UBE2G2: variants seen among roughly 807,000 people sequenced by gnomAD.
UBE2G2 encodes the protein ubiquitin-conjugating enzyme E2 G2.
UBE2G2 carries 10 observed loss-of-function variants against 23.0 expected under a neutral mutation model. The ratio of observed to expected loss-of-function variants is 0.43; its 90% CI spans 0.27 to 0.74. UBE2G2 has a LOEUF of 0.74. UBE2G2 is among the 30% of genes least tolerant of loss of function. The pLI, the probability that UBE2G2 is intolerant of heterozygous loss-of-function variation, is 0.19. For missense variants in UBE2G2, 150 were observed against 218.3 expected (o/e 0.69, Z 1.97); for synonymous variants, 86 against 81.3 (o/e 1.06, Z -0.31).
At chr21:44,795,059 T>TA (rs145504274) in intron 1 of UBE2G2, among the ~76,000 whole-genome samples, 6,358 of 152,100 alleles carry the variant, frequency 0.042, 209 homozygotes, top group Non-Finnish European at 0.058. Context: ...GGTCAGGAGT[T>TA]AGAGACCAGC....
At chr21:44,794,988 C>T (rs1010768992) in intron 1 of UBE2G2, among the ~76,000 whole-genome samples, 3 of 152,122 alleles carry the variant, frequency 2.0e-5, no homozygotes, top group African/African-American at 7.2e-5. Context: ...TCAGTAAGGG[C>T]CGGGGGCTGT....
chr21:44,773,397 G>A (rs1277865950), intron 5 of UBE2G2, 150 bp downstream of exon 5: 3 of 1,029,854 alleles, frequency 2.9e-6, no homozygotes, highest in Admixed American at 2.9e-5. Context: ...AATTGGAAAA[G>A]TGTAGGCAGA....
intron 3 of UBE2G2, among the ~76,000 whole-genome samples, chr21:44,781,223 G>A (rs568182748): frequency 5.3e-5 from 8 of 152,300 alleles, no homozygotes; most frequent in Non-Finnish European, 8.8e-5. Flanking sequence ...AGCTGGAGAC[G>A]GGAAGGGCAA....
At position 44,772,972 on chromosome 21, in the gene UBE2G2, T is replaced by C. The variant is rs1315771209; in HGVS notation, c.385+575A>G. On this transcript the variant is annotated intron_variant, in intron 5 of 5. Coordinates refer to ENST00000345496, the MANE Select transcript of UBE2G2 (RefSeq NM_003343.6). The surrounding 1 kb of genome is among the most constrained non-coding windows in gnomAD (Gnocchi z 5.4). ...AGCCTTGGCTCCAGCCAAAATGAGC[T>C]GGCAGTGCCCCCATCAAGTCAGCCA... 6.6e-6 allele frequency among the ~76,000 whole-genome samples: 1 copy of C among 152,180 alleles called. No individual in the cohort carries two copies. The highest frequency in any genetic ancestry group is 1.5e-5 in the Non-Finnish European group (1 of 68,018).
chr21:44,785,113 A>G (rs1382046398), intron 3 of UBE2G2, among the ~76,000 whole-genome samples: 1 of 152,206 alleles, frequency 6.6e-6, no homozygotes, highest in Non-Finnish European at 1.5e-5. Flanking sequence ...CCATCTGTCT[A>G]GAAGATGCTG....
chr21:44,792,596 G>C (rs2083054485), intron 1 of UBE2G2, among the ~76,000 whole-genome samples: 1 of 152,174 alleles, frequency 6.6e-6, no homozygotes, highest in Non-Finnish European at 1.5e-5. Context: ...GCAGAACTGT[G>C]AGTCAACTAA....
chr21:44,789,983 G>A (rs2083030908), intron 1 of UBE2G2, among the ~76,000 whole-genome samples: 1 of 152,056 alleles, frequency 6.6e-6, no homozygotes, highest in East Asian at 1.9e-4. Context: ...CTCCAGAATT[G>A]GGAGCAATAA....
intron 1 of UBE2G2, among the ~76,000 whole-genome samples, chr21:44,791,347 C>A (rs1303837734): frequency 6.6e-6 from 1 of 151,998 alleles, no homozygotes; most frequent in Admixed American, 6.5e-5. Flanking sequence ...GCAGGGAGGC[C>A]TAGGAGGGAA....
chr21:44,780,842 A>T (rs1485442598), intron 3 of UBE2G2, among the ~76,000 whole-genome samples: 1 of 152,036 alleles, frequency 6.6e-6, no homozygotes, highest in South Asian at 2.1e-4. Context: ...TCCACACTCA[A>T]CTCAAGGGAG....
chr21:44,796,983 T>G (rs1388154204), intron 1 of UBE2G2, among the ~76,000 whole-genome samples: 1 of 152,258 alleles, frequency 6.6e-6, no homozygotes, highest in Non-Finnish European at 1.5e-5. Flanking sequence ...ATGTTATTAT[T>G]GGATCCTTCA....
At chr21:44,775,895 C>T (rs1451442393) in intron 4 of UBE2G2, among the ~76,000 whole-genome samples, 1 of 152,200 alleles carries the variant, frequency 6.6e-6, no homozygotes, top group African/African-American at 2.4e-5. Context: ...TCATCTAACT[C>T]AGGCGCATGG....
intron 1 of UBE2G2, among the ~76,000 whole-genome samples, chr21:44,792,868 G>A (rs1480530886): frequency 4.6e-5 from 7 of 152,226 alleles, no homozygotes; most frequent in African/African-American, 1.7e-4. Context: ...GTGGCAAGGA[G>A]GGGCCAGCAA....
At chr21:44,796,596 C>A (rs2083091433) in intron 1 of UBE2G2, among the ~76,000 whole-genome samples, 1 of 152,182 alleles carries the variant, frequency 6.6e-6, no homozygotes, top group Non-Finnish European at 1.5e-5. Context: ...AAAACAAAGT[C>A]CCCTCAATAA....
In UBE2G2 at chr21:44,773,671, T is replaced by G; in HGVS notation, c.261A>C (p.Arg87Ser). The part of the protein sequence containing the change: ...MFHPNIYPDG[R>S]VCISILHAPG... ...GCGCGTGGAGGATGGAAATGCAGAC[T>G]CTCCCATCAGGGTAGACTGCAAGGG... Residue 87 changes from arginine to serine, a missense_variant, in exon 5 of 6, where the codon AGA (arginine) becomes AGC (serine). Physicochemically the swap from Arg to Ser is moderately radical, Grantham distance 110. Coordinates refer to ENST00000345496, the MANE Select transcript of UBE2G2 (RefSeq NM_003343.6). The G allele has an allele frequency of 6.2e-7, 1 of 1,612,450 alleles. No individual in the cohort carries two copies. Among genetic ancestry groups the G allele is most frequent in the Non-Finnish European group, 8.5e-7 (1 of 1,180,000 alleles).
intron 3 of UBE2G2, among the ~76,000 whole-genome samples, chr21:44,783,050 A>C (rs143204427): frequency 6.6e-5 from 10 of 152,382 alleles, no homozygotes; most frequent in African/African-American, 2.4e-4. Context: ...CTTGTATCAA[A>C]ATATATTTTA....
At chr21:44,800,885 T>A (rs1419790145) in intron 1 of UBE2G2, 1 of 152,154 alleles carries the variant, frequency 6.6e-6, no homozygotes, top group African/African-American at 2.4e-5. Context: ...ACCTGCAGTA[T>A]CAAGTTTAAC....
chr21:44,801,763 T>G lies in UBE2G2; in HGVS notation c.-15A>C, dbSNP rs782646823. ...GTCCCCGCCATGGCCCCGCAACAGCTGCGCCGAGCGACCTCGCCTCAGCCG... is the reference window on the plus strand; with the variant it reads ...GTCCCCGCCATGGCCCCGCAACAGCGGCGCCGAGCGACCTCGCCTCAGCCG... On this transcript the variant is annotated 5_prime_UTR_variant, in exon 1 of 6. Coordinates refer to ENST00000345496, the MANE Select transcript of UBE2G2 (RefSeq NM_003343.6). The G allele has an allele frequency of 1.4e-5, 21 of 1,515,638 alleles. No individual in the cohort carries two copies. The highest frequency in any genetic ancestry group is 1.9e-5 in the Non-Finnish European group (21 of 1,134,278). The allele number at this position is 1,515,638 out of a possible 1,614,324, so 93.9% of individuals were successfully genotyped here.
At chr21:44,781,017 A>T (rs1392128369) in intron 3 of UBE2G2, among the ~76,000 whole-genome samples, 1 of 152,244 alleles carries the variant, frequency 6.6e-6, no homozygotes, top group East Asian at 1.9e-4. Context: ...CTTCAGCTGC[A>T]CGCAGGTGTT....
intron 4 of UBE2G2, chr21:44,774,636 G>A (rs907651428): frequency 1.1e-5 from 5 of 436,364 alleles, no homozygotes; most frequent in South Asian, 8.2e-5. Context: ...AGTGGTGAAC[G>A]TTCAGTGGTG....
Sources: gnomAD v4.1 joint callset for allele counts (sites outside exome capture counted in the v4.1 genomes callset) on GRCh38, gnomAD v4.1.1 for gene constraint, Gnocchi (gnomAD v3.1) non-coding constraint, MANE v1.5 for transcripts, NCBI Gene and HGNC (gene_info 2026-07-23, HGNC 2026-07-21) for gene names.